Variants in MTUS1 observed in about 807,000 individuals in gnomAD.
The protein encoded by MTUS1 is microtubule-associated tumor suppressor 1.
MTUS1 carries 109 observed loss-of-function variants against 120.8 expected under a neutral mutation model. The ratio of observed to expected loss-of-function variants is 0.90; its 90% confidence interval spans 0.77 to 1.06. The LOEUF is 1.06. Ranked by LOEUF, MTUS1 falls within the 50% of genes least tolerant of loss-of-function variation. The probability of loss-of-function intolerance (pLI) is 0.00; values close to 1 mark genes in which losing one functional copy is unlikely to be tolerated. For synonymous variants in MTUS1, 737 were observed against 550.5 expected (o/e 1.34, Z -4.74); for missense variants, 2,210 against 1,486.3 (o/e 1.49, Z -8.01).
chr8:17,676,615 T>C, intron 7 of MTUS1: 1 of 415,528 alleles, frequency 2.4e-6, no homozygotes, highest in East Asian at 3.6e-5. Context: ...ATTAGACTGA[T>C]CGATTGCCAT....
chr8:17,742,882 C>G (rs2047445853), intron 3 of MTUS1, among the ~76,000 whole-genome samples: 2 of 152,148 alleles, frequency 1.3e-5, no homozygotes, highest in Admixed American at 1.3e-4. Flanking sequence ...TTTGACATGA[C>G]TTTAATTTGC....
intron 1 of MTUS1, among the ~76,000 whole-genome samples, chr8:17,778,435 C>T (rs1205135673): frequency 6.6e-6 from 1 of 152,174 alleles, no homozygotes; most frequent in Non-Finnish European, 1.5e-5. Flanking sequence ...GGTGGTTGCA[C>T]AGCTACAGGT....
chr8:17,682,239 G>T (rs1814689603), intron 7 of MTUS1, among the ~76,000 whole-genome samples: 1 of 152,188 alleles, frequency 6.6e-6, no homozygotes, highest in African/African-American at 2.4e-5. Flanking sequence ...TCACAGGTTG[G>T]GCGCAGTGGC....
intron 14 of MTUS1, 113 bp from the exon 15 acceptor site, chr8:17,646,252 C>G (rs1805770359): frequency 1.7e-6 from 2 of 1,149,546 alleles, no homozygotes; most frequent in South Asian, 1.7e-5. Context: ...TGGGATAAAA[C>G]AGAATCCTGC....
intron 6 of MTUS1, among the ~76,000 whole-genome samples, chr8:17,705,071 C>A (rs994200463): frequency 6.6e-6 from 1 of 152,162 alleles, no homozygotes; most frequent in Admixed American, 6.5e-5. Flanking sequence ...GCAACCTCTG[C>A]CTCCTGGGTT....
chr8:17,661,569 G>T, intron 8 of MTUS1, among the ~76,000 whole-genome samples: 1 of 151,952 alleles, frequency 6.6e-6, no homozygotes, highest in Non-Finnish European at 1.5e-5. Context: ...TGGCACATCA[G>T]CCTTTAAAAC....
chr8:17,646,176 A>T, intron 14 of MTUS1, 37 bp from the exon 15 acceptor site: 3 of 621,726 alleles, frequency 4.8e-6, no homozygotes, highest in Admixed American at 4.6e-5. Context: ...AGATCTATGT[A>T]AAAAAAAAAA....
intron 1 of MTUS1, among the ~76,000 whole-genome samples, chr8:17,766,626 G>C (rs1001153934): frequency 5.9e-5 from 9 of 152,332 alleles, no homozygotes; most frequent in Middle Eastern, 3.4e-3. Context: ...ACGCATGGCA[G>C]GAGCCTGTGT....
Position 17,755,261 on chromosome 8 carries a change from A to G in MTUS1, c.547T>C (p.Ser183Pro). Residue 183 changes from serine to proline, a missense_variant, in exon 2 of 15, where the codon TCC becomes CCC. By Grantham distance (74) the Ser-to-Pro change is moderately conservative (BLOSUM62 -1). Coordinates refer to ENST00000693296, the MANE Select transcript of MTUS1 (RefSeq NM_001363059.2). ...ISHHAIGKSQ[S>P]FHTAGSLPPT... The stretch of plus-strand genomic sequence containing the variant: ...GGCAGGCTTCCAGCAGTATGGAAGG[A>G]CTGACTCTTTCCGATGGCATGATGT... The G allele has an allele frequency of 6.2e-7, 1 of 1,614,154 alleles. No individual in the cohort carries two copies. The highest frequency in any genetic ancestry group is 8.5e-7 in the Non-Finnish European group (1 of 1,179,974).
intron 6 of MTUS1, among the ~76,000 whole-genome samples, chr8:17,706,965 T>C (rs1460161026): frequency 2.6e-5 from 4 of 152,154 alleles, no homozygotes; most frequent in African/African-American, 9.7e-5. Flanking sequence ...TAATTAAAAG[T>C]GATTATTTTA....
intron 3 of MTUS1, among the ~76,000 whole-genome samples, chr8:17,736,998 C>T (rs556593549): frequency 1.3e-5 from 2 of 152,322 alleles, no homozygotes; most frequent in Middle Eastern, 3.4e-3. Context: ...CTTCTGTGCA[C>T]TTCATTCCAG....
chr8:17,797,376 G>A (rs139190838), intron 1 of MTUS1, among the ~76,000 whole-genome samples: 31 of 152,190 alleles, frequency 2.0e-4, no homozygotes, highest in African/African-American at 7.5e-4. Flanking sequence ...TCATGCTACT[G>A]TATTCCAGCC....
At chr8:17,708,185 G>C (rs1328145645) in intron 6 of MTUS1, among the ~76,000 whole-genome samples, 1 of 152,194 alleles carries the variant, frequency 6.6e-6, no homozygotes, top group Admixed American at 6.5e-5. Context: ...CAAGAATTGG[G>C]AGAAAATATT....
intron 1 of MTUS1, chr8:17,800,663 C>G (rs1167063659): frequency 6.6e-6 from 1 of 152,214 alleles, no homozygotes; most frequent in Non-Finnish European, 1.5e-5. Context: ...AGTAGCGAGG[C>G]GCCACGAGGG....
intron 6 of MTUS1, chr8:17,697,717 G>A (rs1235972730): frequency 1.2e-5 from 12 of 1,001,664 alleles, no homozygotes; most frequent in Non-Finnish European, 1.4e-5. Flanking sequence ...TGGTAAAGGG[G>A]AGGAGAAAGT....
At chr8:17,657,317 C>T (rs1337091201) in intron 8 of MTUS1, among the ~76,000 whole-genome samples, 1 of 151,466 alleles carries the variant, frequency 6.6e-6, no homozygotes, top group Non-Finnish European at 1.5e-5. Flanking sequence ...GCCTGTAATC[C>T]CAGCACTTTG....
Position 17,713,186 on chromosome 8 carries a change from T to A in MTUS1, c.2623+28A>T, listed in dbSNP as rs780087303. 3 of 1,560,914 alleles carry A rather than the reference T, an allele frequency of 1.9e-6. No individual in the cohort carries two copies. The Admixed American group carries it at 5.3e-5, about 27-fold the overall frequency. On this transcript the variant is annotated intron_variant, in intron 6 of 14. Transcript: ENST00000693296. Reference sequence around the variant, plus strand: ...CATAACTTTACAAAAAGATTCTTTTTATCGCCATCCATAAAGTGGTCACTC... The same window carrying A: ...CATAACTTTACAAAAAGATTCTTTTAATCGCCATCCATAAAGTGGTCACTC...
intron 1 of MTUS1, among the ~76,000 whole-genome samples, chr8:17,766,704 C>G (rs1213924431): frequency 2.6e-5 from 4 of 151,924 alleles, no homozygotes; most frequent in Admixed American, 2.6e-4. Context: ...TACAGCCAAC[C>G]CCTCTTTTAT....
intron 1 of MTUS1, among the ~76,000 whole-genome samples, chr8:17,774,438 T>G (rs2050255794): frequency 1.3e-5 from 2 of 152,178 alleles, no homozygotes; most frequent in Admixed American, 1.3e-4. Flanking sequence ...TTTACCCCTT[T>G]CTAAAATGTG....
Sources: allele counts gnomAD v4.1 joint callset (sites outside exome capture counted in the v4.1 genomes callset), GRCh38; gene constraint gnomAD v4.1.1; transcripts MANE v1.5; gene names NCBI Gene and HGNC (gene_info 2026-07-23, HGNC 2026-07-21).